Variants in CNTN5 observed in about 807,000 individuals in gnomAD.
CNTN5 encodes the protein contactin 5.
A neutral mutation model predicts 129.1 loss-of-function variants in CNTN5; 77 were observed. The ratio of observed to expected loss-of-function variants is 0.60; its 90% confidence interval spans 0.50 to 0.72. The LOEUF (loss-of-function observed/expected upper bound fraction) is 0.72. Ranked by LOEUF, CNTN5 falls within the 30% of genes least tolerant of loss-of-function variation. The probability of loss-of-function intolerance (pLI) is 0.00; values close to 1 mark genes in which losing one functional copy is unlikely to be tolerated. For missense variants in CNTN5, 1,478 were observed against 1,328.8 expected, an observed-to-expected ratio of 1.11 and a Z score of -1.75; for synonymous variants, 509 against 465.6, an observed-to-expected ratio of 1.09 and a Z score of -1.20.
rs565426329 is a variant in CNTN5 at position 99,123,140 on chromosome 11, G to A, written c.-210+101870G>A. ...TGCCACACTGCTTTCTACAATGGCTGAAATAACTTACTTTCCCACCACCAG... is the reference window on the plus strand; with the variant it reads ...TGCCACACTGCTTTCTACAATGGCTAAAATAACTTACTTTCCCACCACCAG... On this transcript the variant is annotated intron_variant, in intron 1 of 24. Transcript: ENST00000524871. Among the ~76,000 whole-genome samples the A allele has an allele frequency of 3.2e-4, 49 of 152,084 alleles. No homozygotes were observed. The South Asian group carries it at 0.01, about 32-fold the overall frequency.
intron 13 of CNTN5, among the ~76,000 whole-genome samples, chr11:100,157,306 G>GTTTTATATCATGATAA (rs1338775456): frequency 1.6e-4 from 24 of 151,950 alleles, no homozygotes; most frequent in African/African-American, 4.3e-4. Flanking sequence ...CATGGTTGTA[G>GTTTTATATCATGATAA]TTTTATATCA....
At chr11:99,637,201 G>A (rs1338580423) in intron 3 of CNTN5, among the ~76,000 whole-genome samples, 1 of 151,060 alleles carries the variant, frequency 6.6e-6, no homozygotes, top group Non-Finnish European at 1.5e-5. Context: ...GTTTATAGTA[G>A]CAAAATTTTA....
chr11:99,257,988 T>C (rs912640582), intron 1 of CNTN5, among the ~76,000 whole-genome samples: 2 of 152,072 alleles, frequency 1.3e-5, no homozygotes, highest in African/African-American at 4.8e-5. Context: ...AAGGGAAATT[T>C]AGTGAGATGA....
At chr11:100,010,797 T>A (rs757263551) in intron 9 of CNTN5, among the ~76,000 whole-genome samples, 4 of 152,164 alleles carry the variant, frequency 2.6e-5, no homozygotes, top group Non-Finnish European at 4.4e-5. Flanking sequence ...TCTGTGGCTC[T>A]GTGACACAGT....
At chr11:99,784,231 G>A (rs1945427102) in intron 3 of CNTN5, among the ~76,000 whole-genome samples, 2 of 152,004 alleles carry the variant, frequency 1.3e-5, no homozygotes, top group Non-Finnish European at 2.9e-5. Flanking sequence ...TGCCATGGTG[G>A]TTTGCTCCAC....
intron 3 of CNTN5, among the ~76,000 whole-genome samples, chr11:99,585,023 C>T (rs1373874048): frequency 6.6e-6 from 1 of 152,200 alleles, no homozygotes; most frequent in Non-Finnish European, 1.5e-5. Flanking sequence ...TAGACCATTT[C>T]CCAATTCTTA....
chr11:99,523,752 G>A (rs984103716), intron 2 of CNTN5, among the ~76,000 whole-genome samples: 4 of 151,880 alleles, frequency 2.6e-5, no homozygotes, highest in Non-Finnish European at 2.9e-5. Flanking sequence ...TTGTATCCTC[G>A]GTTCCCACAC....
At chr11:100,058,756 A>AT (rs1023172725) in intron 9 of CNTN5, among the ~76,000 whole-genome samples, 24 of 152,030 alleles carry the variant, frequency 1.6e-4, no homozygotes, top group Non-Finnish European at 2.9e-4. Flanking sequence ...CTTAGGAAAA[A>AT]ATAATAGGAA....
Position 100,044,967 on chromosome 11 carries a change from T to C in CNTN5, c.981-16245T>C, listed in dbSNP as rs145095042. Among the ~76,000 whole-genome samples the C allele has an allele frequency of 3.5e-3, 527 of 152,186 alleles. 3 individuals carry two copies. Among genetic ancestry groups the C allele is most frequent in the African/African-American group, 0.012 (479 of 41,534 alleles). On this transcript the variant is annotated intron_variant, in intron 9 of 24. Transcript: ENST00000524871. ...ATTACTGAAATCCTCAGGGTTTTTG[T>C]TTTTGTTTTCTTACTATTAGGTCTC...
rs544587457 is a variant in CNTN5 at position 99,791,715 on chromosome 11, A to G, written c.56-27829A>G. On this transcript the variant is annotated intron_variant, in intron 3 of 24. Transcript: ENST00000524871. ...TGTAGATTGCTTTGGGCAGTTTGGCATTTTTAACAATCTTGATTATTCCTA... is the reference window on the plus strand; with the variant it reads ...TGTAGATTGCTTTGGGCAGTTTGGCGTTTTTAACAATCTTGATTATTCCTA... Among the ~76,000 whole-genome samples, 7 of 152,288 alleles carry G rather than the reference A, an allele frequency of 4.6e-5. No individual in the cohort carries two copies. In the South Asian group the frequency reaches 1.5e-3, roughly 32 times the overall value.
intron 6 of CNTN5, among the ~76,000 whole-genome samples, chr11:99,907,330 G>C (rs1170584350): frequency 6.6e-6 from 1 of 152,000 alleles, no homozygotes; most frequent in East Asian, 1.9e-4. Context: ...CAATATAGAA[G>C]AGTAGGCATT....
chr11:99,452,954 A>G (rs1228247802), intron 2 of CNTN5, among the ~76,000 whole-genome samples: 2 of 152,244 alleles, frequency 1.3e-5, no homozygotes, highest in Non-Finnish European at 2.9e-5. Flanking sequence ...TATAAACAAA[A>G]ATAAGAAATA....
chr11:99,443,143 GA>G (rs1009026175), intron 2 of CNTN5, among the ~76,000 whole-genome samples: 12 of 152,098 alleles, frequency 7.9e-5, no homozygotes, highest in African/African-American at 2.9e-4. Flanking sequence ...ATAGAAGAAA[GA>G]AAAACAAGGA....
chr11:99,135,652 A>G (rs989549927), intron 1 of CNTN5, among the ~76,000 whole-genome samples: 1 of 152,148 alleles, frequency 6.6e-6, no homozygotes, highest in Admixed American at 6.6e-5. Context: ...TTTTTTCCCA[A>G]CATACAATTT....
intron 3 of CNTN5, among the ~76,000 whole-genome samples, chr11:99,697,475 A>T (rs961434978): frequency 1.3e-5 from 2 of 151,828 alleles, no homozygotes; most frequent in African/African-American, 2.4e-5. Context: ...TTATTAAAAC[A>T]TCAGAAAATT....
At chr11:99,890,228 G>A (rs1267059969) in intron 6 of CNTN5, among the ~76,000 whole-genome samples, 1 of 152,078 alleles carries the variant, frequency 6.6e-6, no homozygotes, top group African/African-American at 2.4e-5. Flanking sequence ...TATGTCAACA[G>A]GAGCCAATTG....
intron 7 of CNTN5, among the ~76,000 whole-genome samples, chr11:99,944,357 G>A (rs11221991): frequency 6.6e-6 from 1 of 151,788 alleles, no homozygotes; most frequent in Non-Finnish European, 1.5e-5. Flanking sequence ...AGTTAAGAAC[G>A]TATCTCAAAA....
chr11:100,143,035 G>A (rs1946743223), intron 13 of CNTN5, among the ~76,000 whole-genome samples: 1 of 151,718 alleles, frequency 6.6e-6, no homozygotes, highest in Non-Finnish European at 1.5e-5. Flanking sequence ...TTTAGACTTG[G>A]GTCTCCCAAA....
At chr11:100,278,572 AATAAG>A (rs551475875) in intron 18 of CNTN5, among the ~76,000 whole-genome samples, 18 of 152,076 alleles carry the variant, frequency 1.2e-4, no homozygotes, top group Admixed American at 2.6e-4. Context: ...AGCTATTGTA[AATAAG>A]ATAAGTTTCT....
Sources: allele counts gnomAD v4.1 joint callset (sites outside exome capture counted in the v4.1 genomes callset), GRCh38; gene constraint gnomAD v4.1.1; transcripts MANE v1.5; gene names NCBI Gene and HGNC (gene_info 2026-07-23, HGNC 2026-07-21).